Variants in KDM4B observed in about 807,000 individuals in gnomAD.
The protein encoded by KDM4B is lysine-specific demethylase 4B.
In KDM4B, 32 loss-of-function variants were observed where a neutral mutation model predicts 125.2. That is an observed-to-expected ratio of 0.26 (90% CI 0.19 to 0.34). The LOEUF is 0.34. Ranked by LOEUF, KDM4B falls within the 10% of genes least tolerant of loss-of-function variation. The pLI, the probability that KDM4B is intolerant of heterozygous loss-of-function variation, is 1.00. For missense variants in KDM4B, 1,190 were observed against 1,577.7 expected, an observed-to-expected ratio of 0.75 and a Z score of 4.16; for synonymous variants, 721 against 677.9, an observed-to-expected ratio of 1.06 and a Z score of -0.99.
In KDM4B at chr19:5,114,319, C is replaced by T. The variant is rs1445276024; in HGVS notation, c.1115+3501C>T. The T allele has an allele frequency of 2.0e-6, 2 of 1,011,104 alleles. No individual in the cohort carries two copies. The highest frequency in any genetic ancestry group is 4.6e-5 in the Admixed American group (2 of 43,220). 62.6% of individuals were successfully genotyped at this position (1,011,104 alleles called of 1,614,324 possible). A position where few individuals can be genotyped will look rare whatever the true frequency, so the allele number is the denominator to read the frequency against. On this transcript the variant is annotated intron_variant, in intron 10 of 22. Coordinates refer to ENST00000159111, the MANE Select transcript of KDM4B (RefSeq NM_015015.3). This position sits in a 1 kb window ranked among gnomAD's most constrained non-coding sequence, Gnocchi z 5.8. ...CCCGGCTGGGCCCAGGCCTCGTCTC[C>T]CCTACCCCTCCGAGCTCGGTGCTGC...
intron 6 of KDM4B, among the ~76,000 whole-genome samples, chr19:5,052,586 G>A (rs990547438): frequency 3.9e-5 from 6 of 152,174 alleles, no homozygotes; most frequent in Admixed American, 2.0e-4. Context: ...TGGCCCACCC[G>A]CCTCCCAGCT....
chr19:5,084,004 T>C (rs2038388239), intron 9 of KDM4B, among the ~76,000 whole-genome samples: 1 of 152,134 alleles, frequency 6.6e-6, no homozygotes, highest in South Asian at 2.1e-4. Flanking sequence ...CCTAGCACTT[T>C]GGGAGGCAGA....
Position 5,119,836 on chromosome 19 carries a change from G to T in KDM4B, c.1299G>T (p.Glu433Asp). The T allele has an allele frequency of 3.2e-6, 5 of 1,545,946 alleles. No individual in the cohort carries two copies. The South Asian group carries it at 6.0e-5, about 18-fold the overall frequency. Residue 433 changes from glutamate to aspartate, a missense_variant, in exon 11 of 23, where the codon GAG becomes GAT. Transcript: ENST00000159111. ...EEPQPLPHGR[E>D]AEGAEEDGRG... Reference sequence around the variant, plus strand: ...CGCAGCCACTGCCACACGGCCGGGAGGCCGAGGGCGCAGAAGGTCAGTCCC... The same window carrying T: ...CGCAGCCACTGCCACACGGCCGGGATGCCGAGGGCGCAGAAGGTCAGTCCC...
intron 11 of KDM4B, among the ~76,000 whole-genome samples, chr19:5,126,762 T>G (rs1017450489): frequency 6.6e-6 from 1 of 152,202 alleles, no homozygotes; most frequent in Non-Finnish European, 1.5e-5. Flanking sequence ...GGCTGCGGGT[T>G]CAGCACGGGA....
At chr19:4,973,647 G>A (rs781046776) in intron 1 of KDM4B, among the ~76,000 whole-genome samples, 27 of 152,092 alleles carry the variant, frequency 1.8e-4, no homozygotes, top group East Asian at 3.9e-4. Flanking sequence ...CACTCCCTGC[G>A]TGACTGGCCT....
chr19:5,074,735 G>A (rs1471508), intron 7 of KDM4B: 32,140 of 152,284 alleles, frequency 0.21, 4,440 homozygotes, highest in East Asian at 0.64. Flanking sequence ...AAGCACCGTG[G>A]CCCCGCTCTC....
intron 1 of KDM4B, among the ~76,000 whole-genome samples, chr19:5,000,658 G>A (rs1376440660): frequency 6.6e-6 from 1 of 152,162 alleles, no homozygotes; most frequent in African/African-American, 2.4e-5. Flanking sequence ...GTCCCAAACT[G>A]TATTTAAAAG....
chr19:5,116,002 G>T (rs2039247299), intron 10 of KDM4B, among the ~76,000 whole-genome samples: 1 of 152,112 alleles, frequency 6.6e-6, no homozygotes, highest in Non-Finnish European at 1.5e-5. Context: ...GTCCGCCCAA[G>T]AATGGAAATT....
chr19:5,144,184 CCCTGGCT>C, intron 19 of KDM4B, 32 bp downstream of exon 19: 1 of 1,590,170 alleles, frequency 6.3e-7, no homozygotes, highest in Non-Finnish European at 8.6e-7. Flanking sequence ...TGCCCCCAGC[CCCTGGCT>C]CCCGCCCCCA....
In KDM4B at chr19:5,112,097, T is replaced by G. The variant is rs1311849222; in HGVS notation, c.1115+1279T>G. 9 of 416,262 alleles carry G rather than the reference T, an allele frequency of 2.2e-5. No individual in the cohort carries two copies. In the Admixed American group the frequency reaches 3.3e-4, roughly 15 times the overall value. The allele number at this position is 416,262 out of a possible 1,614,324, so 25.8% of individuals were successfully genotyped here. ...TTGAGATGCCATCTCTACAAAAAAT[T>G]TAAAAATCAGCTGGGTGTGGTGGTG... On this transcript the variant is annotated intron_variant, in intron 10 of 22. Transcript: ENST00000159111.
intron 1 of KDM4B, among the ~76,000 whole-genome samples, chr19:5,001,106 G>A (rs991245327): frequency 6.5e-4 from 98 of 151,442 alleles, no homozygotes; most frequent in Middle Eastern, 6.8e-3. Context: ...ATCACAGCTC[G>A]TTGCAGCCTT....
intron 21 of KDM4B, among the ~76,000 whole-genome samples, chr19:5,147,280 G>A (rs1158703258): frequency 1.3e-5 from 2 of 152,222 alleles, no homozygotes; most frequent in Non-Finnish European, 2.9e-5. Flanking sequence ...AAATGACAAG[G>A]GAGACTCAGG....
rs1555724147 is a variant in KDM4B at position 5,152,110 on chromosome 19, G to GC, written c.*599_*600insC. On this transcript the variant is annotated 3_prime_UTR_variant, in exon 23 of 23. Transcript: ENST00000159111. ...ACCCGGTAATTGGAGGGTGAGCCTC[G>GC]GGGGGGGGGCAGGACGCCCCGGTTT... 1.7e-5 allele frequency: 2 copies of GC among 119,098 alleles called. No homozygotes were observed. Among genetic ancestry groups the GC allele is most frequent in the African/African-American group, 7.7e-5 (2 of 26,024 alleles). 7.4% of individuals were successfully genotyped at this position (119,098 alleles called of 1,614,324 possible).
intron 15 of KDM4B, 53 bp from the exon 16 acceptor site, chr19:5,137,209 T>G: frequency 7.2e-7 from 1 of 1,389,884 alleles, no homozygotes; most frequent in South Asian, 1.2e-5. Context: ...TTCACTCGGC[T>G]CCCCAAGTCT....
chr19:5,025,179 C>T (rs374626493), intron 2 of KDM4B, among the ~76,000 whole-genome samples: 103 of 152,170 alleles, frequency 6.8e-4, no homozygotes, highest in African/African-American at 2.1e-3. Flanking sequence ...TCTTGAGCCC[C>T]GAATAAAGAA....
intron 1 of KDM4B, among the ~76,000 whole-genome samples, chr19:4,977,949 T>A (rs2034505197): frequency 6.6e-6 from 1 of 152,282 alleles, no homozygotes; most frequent in African/African-American, 2.4e-5. Flanking sequence ...GTTGCTGTTG[T>A]CCCCTTCCTG....
intron 9 of KDM4B, among the ~76,000 whole-genome samples, chr19:5,096,315 C>T (rs1197780937): frequency 2.0e-5 from 3 of 152,140 alleles, no homozygotes; most frequent in Non-Finnish European, 4.4e-5. Context: ...GAACTCCTGA[C>T]CTCAAGTGAT....
intron 15 of KDM4B, 77 bp from the exon 16 acceptor site, chr19:5,137,185 C>T (rs1261443816): frequency 3.0e-6 from 3 of 1,014,054 alleles, no homozygotes; most frequent in Non-Finnish European, 3.0e-6. Flanking sequence ...GTTACCCGGC[C>T]CCTCCCCCTG....
intron 10 of KDM4B, chr19:5,119,307 C>A: frequency 1.1e-6 from 1 of 948,520 alleles, no homozygotes. Flanking sequence ...GTGTCTCTGT[C>A]CCGTGGCACA....
Sources: gnomAD v4.1 joint callset for allele counts (sites outside exome capture counted in the v4.1 genomes callset) on GRCh38, gnomAD v4.1.1 for gene constraint, Gnocchi (gnomAD v3.1) non-coding constraint, MANE v1.5 for transcripts, NCBI Gene and HGNC (gene_info 2026-07-23, HGNC 2026-07-21) for gene names.